Variants in ADGRL3 observed in about 807,000 individuals in gnomAD.
ADGRL3 encodes the protein calcium-independent alpha-latrotoxin receptor 3.
In ADGRL3, 62 loss-of-function variants were observed where a neutral mutation model predicts 153.5. The ratio of observed to expected loss-of-function variants is 0.40; its 90% CI spans 0.33 to 0.50. The LOEUF is 0.50. Ranked by LOEUF, ADGRL3 falls within the 20% of genes least tolerant of loss-of-function variation. ADGRL3 has a pLI of 0.47. For missense variants in ADGRL3, 1,641 were observed against 1,859.4 expected (o/e 0.88, Z 2.16); for synonymous variants, 710 against 672.5 (o/e 1.06, Z -0.86).
At chr4:61,304,488 G>C (rs180709709) in intron 1 of ADGRL3, among the ~76,000 whole-genome samples, 139 of 152,302 alleles carry the variant, frequency 9.1e-4, no homozygotes, top group African/African-American at 3.1e-3. Context: ...CTTTATGCCT[G>C]AGGTTTTGTA....
chr4:61,608,316 A>T (rs1352235717), intron 5 of ADGRL3, among the ~76,000 whole-genome samples: 1 of 152,212 alleles, frequency 6.6e-6, no homozygotes, highest in Non-Finnish European at 1.5e-5. Flanking sequence ...TCCATTGATC[A>T]AGTTAACAGC....
At chr4:61,956,868 A>T (rs960203120) in intron 17 of ADGRL3, among the ~76,000 whole-genome samples, 5 of 152,044 alleles carry the variant, frequency 3.3e-5, no homozygotes, top group African/African-American at 1.2e-4. Flanking sequence ...GTTATTTCTG[A>T]GATCTCTGTT....
intron 10 of ADGRL3, 124 bp downstream of exon 10, chr4:61,893,082 T>C (rs1257632517): frequency 1.2e-5 from 4 of 324,638 alleles, no homozygotes; most frequent in Non-Finnish European, 1.9e-5. Flanking sequence ...TCCCTCCTTG[T>C]CTCTTTCTTT....
intron 4 of ADGRL3, among the ~76,000 whole-genome samples, chr4:61,570,754 A>C (rs2098835389): frequency 6.6e-6 from 1 of 152,118 alleles, no homozygotes; most frequent in Non-Finnish European, 1.5e-5. Flanking sequence ...AAGGAACTCA[A>C]TAATTATTTG....
intron 1 of ADGRL3, among the ~76,000 whole-genome samples, chr4:61,354,743 T>A (rs1423674749): frequency 6.6e-6 from 1 of 152,096 alleles, no homozygotes; most frequent in Non-Finnish European, 1.5e-5. Flanking sequence ...TCTGAAGAAA[T>A]TAGCATGATT....
intron 8 of ADGRL3, among the ~76,000 whole-genome samples, chr4:61,793,598 A>G (rs2097371033): frequency 6.6e-6 from 1 of 152,002 alleles, no homozygotes; most frequent in Non-Finnish European, 1.5e-5. Flanking sequence ...CAGCCAAACC[A>G]TGTCAGGCTC....
intron 9 of ADGRL3, among the ~76,000 whole-genome samples, chr4:61,868,940 T>A (rs573229719): frequency 2.4e-4 from 37 of 152,256 alleles, no homozygotes; most frequent in African/African-American, 8.7e-4. Flanking sequence ...AGGTAATTTT[T>A]TTTTTCTTGA....
At chr4:61,971,158 TTA>T (rs1187576837) in intron 17 of ADGRL3, among the ~76,000 whole-genome samples, 2 of 151,626 alleles carry the variant, frequency 1.3e-5, no homozygotes, top group African/African-American at 4.8e-5. Flanking sequence ...TTTTATTTAT[TTA>T]TTTATTATTA....
intron 5 of ADGRL3, among the ~76,000 whole-genome samples, chr4:61,653,266 C>T (rs1210302219): frequency 6.6e-6 from 1 of 152,012 alleles, no homozygotes; most frequent in Non-Finnish European, 1.5e-5. Context: ...AGAGAGCCCT[C>T]ACCAGAAACC....
At chr4:61,230,559 T>C (rs1178818425) in intron 1 of ADGRL3, among the ~76,000 whole-genome samples, 2 of 152,180 alleles carry the variant, frequency 1.3e-5, no homozygotes, top group African/African-American at 2.4e-5. Context: ...TTAATTATTT[T>C]GTTTTTTGTA....
chr4:61,428,204 A>G (rs1441343726), intron 2 of ADGRL3: 3 of 152,652 alleles, frequency 2.0e-5, no homozygotes, highest in African/African-American at 7.2e-5. Flanking sequence ...CAGGTGGGAC[A>G]TGGCTTTATT....
chr4:61,411,342 CA>C (rs894567109), intron 2 of ADGRL3, among the ~76,000 whole-genome samples: 4 of 152,118 alleles, frequency 2.6e-5, no homozygotes, highest in African/African-American at 9.6e-5. Context: ...TTGAGCTTTT[CA>C]GATGTTTTCT....
chr4:61,371,398 C>T (rs1004004470), intron 1 of ADGRL3, among the ~76,000 whole-genome samples: 5 of 151,888 alleles, frequency 3.3e-5, no homozygotes, highest in Admixed American at 6.6e-5. Context: ...GTAGCGCTTC[C>T]TTCAGGAGCT....
chr4:61,918,670 G>T (rs1000551683), intron 13 of ADGRL3, among the ~76,000 whole-genome samples: 3 of 152,172 alleles, frequency 2.0e-5, no homozygotes, highest in Non-Finnish European at 4.4e-5. Context: ...CAGAGAGGAT[G>T]AAATGATGTG....
chr4:61,754,363 A>C (rs564768648), intron 8 of ADGRL3, among the ~76,000 whole-genome samples: 18 of 152,116 alleles, frequency 1.2e-4, no homozygotes, highest in Admixed American at 3.9e-4. Flanking sequence ...TAAATATTTT[A>C]TTTTTCTTTA....
intron 17 of ADGRL3, among the ~76,000 whole-genome samples, chr4:61,954,738 A>G (rs1228387537): frequency 1.3e-5 from 2 of 152,040 alleles, no homozygotes; most frequent in African/African-American, 2.4e-5. Flanking sequence ...CCACCACCAC[A>G]AGGACAGCGC....
chr4:61,652,472 T>C (rs1333347511), intron 5 of ADGRL3, among the ~76,000 whole-genome samples: 1 of 152,198 alleles, frequency 6.6e-6, no homozygotes, highest in Non-Finnish European at 1.5e-5. Context: ...TATGTGTTTA[T>C]TGCTTTCTTG....
At position 62,072,507 on chromosome 4, in the gene ADGRL3, T is replaced by C. The variant is rs1444450423; in HGVS notation, c.*1599T>C. 6.6e-6 allele frequency: 1 copy of C among 152,576 alleles called. No homozygotes were observed. The highest frequency in any genetic ancestry group is 1.5e-5 in the Non-Finnish European group (1 of 68,054). 9.5% of individuals were successfully genotyped at this position (152,576 alleles called of 1,614,324 possible). A position where few individuals can be genotyped will look rare whatever the true frequency, so the allele number is the denominator to read the frequency against. On this transcript the variant is annotated 3_prime_UTR_variant, in exon 27 of 27. Coordinates refer to ENST00000683033, the MANE Select transcript of ADGRL3 (RefSeq NM_001387552.1). ...TTTTATTTTTCTCGCCTTTCTTTCT[T>C]TCTGTTTTCAATACATAAACTTTGC...
intron 2 of ADGRL3, among the ~76,000 whole-genome samples, chr4:61,444,044 A>C (rs1365339606): frequency 6.6e-6 from 1 of 152,218 alleles, no homozygotes; most frequent in Non-Finnish European, 1.5e-5. Context: ...TTTGTAATAC[A>C]GACAAAGGGA....
Sources: gnomAD v4.1 joint callset for allele counts (sites outside exome capture counted in the v4.1 genomes callset) on GRCh38, gnomAD v4.1.1 for gene constraint, MANE v1.5 for transcripts, NCBI Gene and HGNC (gene_info 2026-07-23, HGNC 2026-07-21) for gene names.